Variants in MEGF9 observed in about 807,000 individuals in gnomAD.
MEGF9 encodes the protein multiple EGF like domains 9.
A neutral mutation model predicts 46.8 loss-of-function variants in MEGF9; 6 were observed. That is an observed-to-expected ratio of 0.13 (90% CI 0.07 to 0.25). MEGF9 has a LOEUF of 0.25. MEGF9 is among the 10% of genes least tolerant of loss of function. MEGF9 has a pLI of 1.00. For synonymous variants in MEGF9, 302 were observed against 330.7 expected (o/e 0.91, Z 0.94); for missense variants, 683 against 792.4 (o/e 0.86, Z 1.66).
chr9:120,695,050 A>AAG lies in MEGF9; in HGVS notation c.601+18706_601+18707dup, dbSNP rs1228133744. On this transcript the variant is annotated intron_variant, in intron 1 of 5. Transcript: ENST00000373930. ...ATATAGTGGTTTAAAAAAAAAAAAA[A>AAG]AGAGAGAGAGAGAGAGACAAAGACA... Among the ~76,000 whole-genome samples, 669 of 150,934 alleles carry AAG rather than the reference A, an allele frequency of 4.4e-3. 5 individuals are homozygous for AAG. The highest frequency in any genetic ancestry group is 0.014 in the African/African-American group (577 of 41,160).
chr9:120,652,499 A>AC (rs2043657641), intron 2 of MEGF9, among the ~76,000 whole-genome samples: 1 of 148,490 alleles, frequency 6.7e-6, no homozygotes, highest in Non-Finnish European at 1.5e-5. Context: ...AAAAAAAAAA[A>AC]AAAACAGAAA....
chr9:120,649,536 T>C (rs531631744), intron 2 of MEGF9, among the ~76,000 whole-genome samples: 1 of 152,300 alleles, frequency 6.6e-6, no homozygotes, highest in African/African-American at 2.4e-5. Flanking sequence ...CCAGGGTTGG[T>C]TCTGCCTTGC....
At chr9:120,684,092 T>G (rs1394075321) in intron 1 of MEGF9, among the ~76,000 whole-genome samples, 1 of 152,078 alleles carries the variant, frequency 6.6e-6, no homozygotes, top group East Asian at 1.9e-4. Context: ...ATGACCATCT[T>G]TAAGAGCAGT....
chr9:120,628,080 G>C (rs74343781), intron 2 of MEGF9, among the ~76,000 whole-genome samples: 1 of 151,916 alleles, frequency 6.6e-6, no homozygotes, highest in African/African-American at 2.4e-5. Context: ...TATTAAAATC[G>C]AACTTTAAAA....
intron 1 of MEGF9, among the ~76,000 whole-genome samples, chr9:120,678,890 G>A (rs1295219469): frequency 6.6e-6 from 1 of 152,102 alleles, no homozygotes; most frequent in Non-Finnish European, 1.5e-5. Flanking sequence ...ATCATCACTG[G>A]CCATCAGAGA....
chr9:120,681,050 A>C (rs144444110), intron 1 of MEGF9, among the ~76,000 whole-genome samples: 2,049 of 152,232 alleles, frequency 0.013, 43 homozygotes, highest in African/African-American at 0.044. Flanking sequence ...GCTGGTACTT[A>C]AGGTGCCAAA....
In MEGF9 at chr9:120,605,718, G is replaced by A; in HGVS notation, c.1358-77C>T. 2 of 1,032,162 alleles carry A rather than the reference G, an allele frequency of 1.9e-6. No individual in the cohort carries two copies. The highest frequency in any genetic ancestry group is 1.4e-6 in the Non-Finnish European group (1 of 713,300). The allele number at this position is 1,032,162 out of a possible 1,614,324, so 63.9% of individuals were successfully genotyped here. ...GAGAAACAATAAAAGAAATACGCAT[G>A]GGAGTGAATGTTGATGTAGGATGTT... is the stretch of plus-strand genomic sequence containing the variant. On this transcript the variant is annotated intron_variant, in intron 5 of 5. Coordinates refer to ENST00000373930, the MANE Select transcript of MEGF9 (RefSeq NM_001080497.3). This position sits in a 1 kb window ranked among gnomAD's most constrained non-coding sequence, Gnocchi z 4.0.
chr9:120,630,191 C>G (rs1040298658), intron 2 of MEGF9, among the ~76,000 whole-genome samples: 18 of 152,154 alleles, frequency 1.2e-4, no homozygotes, highest in Non-Finnish European at 2.4e-4. Context: ...CCCCTCCCAC[C>G]TTTTCTACCT....
chr9:120,668,987 T>G (rs1193207310), intron 1 of MEGF9, among the ~76,000 whole-genome samples: 1 of 152,210 alleles, frequency 6.6e-6, no homozygotes, highest in Non-Finnish European at 1.5e-5. Flanking sequence ...CTAGGACTGT[T>G]AGTGAGTCTA....
At chr9:120,663,100 C>A (rs1268147821) in intron 1 of MEGF9, among the ~76,000 whole-genome samples, 1 of 151,966 alleles carries the variant, frequency 6.6e-6, no homozygotes, top group Non-Finnish European at 1.5e-5. Flanking sequence ...GAGAGACCAC[C>A]CCAGGGATAA....
chr9:120,673,562 G>A (rs528515300), intron 1 of MEGF9, among the ~76,000 whole-genome samples: 1 of 147,858 alleles, frequency 6.8e-6, no homozygotes, highest in Non-Finnish European at 1.5e-5. Flanking sequence ...AGATGAAAAG[G>A]CAATTCAATG....
chr9:120,664,664 A>T (rs929242374), intron 1 of MEGF9, among the ~76,000 whole-genome samples: 1 of 152,182 alleles, frequency 6.6e-6, no homozygotes, highest in Non-Finnish European at 1.5e-5. Context: ...CTGGTTCAGA[A>T]AGACTGCCTG....
intron 2 of MEGF9, among the ~76,000 whole-genome samples, chr9:120,652,172 ACACACAC>A (rs2043653679): frequency 1.5e-5 from 1 of 64,586 alleles, no homozygotes; most frequent in African/African-American, 7.3e-5. Flanking sequence ...ACACACACAC[ACACACAC>A]ACAAAAAAAA....
Position 120,659,414 on chromosome 9 carries a change from C to A in MEGF9, c.763G>T (p.Asp255Tyr), listed in dbSNP as rs1210050079. 3 of 1,613,856 alleles carry A rather than the reference C, an allele frequency of 1.9e-6. No individual in the cohort carries two copies. In the South Asian group the frequency reaches 3.3e-5, roughly 18 times the overall value. ...CTGAGAGCTCCATGTGGACTACAGT[C>A]ACATGGCTGACAGAGCCCAGAAGTG... ...NYTSGLCQPC[D>Y]CSPHGALSIP... The change falls in exon 2 of 6, where the codon GAC becomes TAC. Residue 255 changes from aspartate (D) to tyrosine (Y), a missense_variant. Transcript: ENST00000373930.
At chr9:120,628,917 A>G (rs1280649948) in intron 2 of MEGF9, among the ~76,000 whole-genome samples, 2 of 152,170 alleles carry the variant, frequency 1.3e-5, no homozygotes, top group Admixed American at 6.6e-5. Flanking sequence ...CAATGATACA[A>G]TCTCATAGCC....
At chr9:120,668,608 A>T (rs1260835602) in intron 1 of MEGF9, among the ~76,000 whole-genome samples, 1 of 152,210 alleles carries the variant, frequency 6.6e-6, no homozygotes, top group Non-Finnish European at 1.5e-5. Flanking sequence ...ATTCAGAGAT[A>T]ATTCATCTAA....
chr9:120,702,548 T>G lies in MEGF9; in HGVS notation c.601+11210A>C, dbSNP rs188857689. Among the ~76,000 whole-genome samples, 6 of 152,356 alleles carry G rather than the reference T, an allele frequency of 3.9e-5. No individual in the cohort carries two copies. In the East Asian group the frequency reaches 1.2e-3, roughly 29 times the overall value. Reference sequence around the variant, plus strand: ...TTAACTAATTAATATTTTGGTATATTTCTCTCCTCATATGTATATTGCTGC... The same window carrying G: ...TTAACTAATTAATATTTTGGTATATGTCTCTCCTCATATGTATATTGCTGC... On this transcript the variant is annotated intron_variant, in intron 1 of 5. Coordinates refer to ENST00000373930, the MANE Select transcript of MEGF9 (RefSeq NM_001080497.3).
At chr9:120,652,625 A>G (rs1288049344) in intron 2 of MEGF9, among the ~76,000 whole-genome samples, 1 of 151,000 alleles carries the variant, frequency 6.6e-6, no homozygotes, top group Non-Finnish European at 1.5e-5. Context: ...TATGTGCACA[A>G]TTTAGTTTTC....
chr9:120,622,434 T>TTTTA lies in MEGF9; in HGVS notation c.943+181_943+182insTAAA, dbSNP rs1554794918. Among the ~76,000 whole-genome samples the TTTTA allele has an allele frequency of 6.5e-3, 964 of 148,152 alleles. 22 individuals are homozygous for TTTTA. The highest frequency in any genetic ancestry group is 0.023 in the African/African-American group (915 of 39,600). ...GTATATGACTTTTTTTTTTTTTTTTTAATTTACGTACTTTTTCAAGTTTGT... is the reference window on the plus strand; with the variant it reads ...GTATATGACTTTTTTTTTTTTTTTTTTTTAAATTTACGTACTTTTTCAAGTTTGT... On this transcript the variant is annotated intron_variant, in intron 3 of 5. Coordinates refer to ENST00000373930, the MANE Select transcript of MEGF9 (RefSeq NM_001080497.3).
Sources: allele counts gnomAD v4.1 joint callset (sites outside exome capture counted in the v4.1 genomes callset), GRCh38; gene constraint gnomAD v4.1.1; non-coding constraint Gnocchi (gnomAD v3.1); transcripts MANE v1.5; gene names NCBI Gene and HGNC (gene_info 2026-07-23, HGNC 2026-07-21).